The following FGF18 variants were observed in gnomAD, a reference collection of about 807,000 sequenced individuals.
FGF18 encodes the protein fibroblast growth factor 18.
In FGF18, 5 loss-of-function variants were observed where a neutral mutation model predicts 23.0. The ratio of observed to expected loss-of-function variants is 0.22; its 90% CI spans 0.11 to 0.46. The LOEUF is 0.46. Among genes scored for constraint, FGF18 ranks in the 20% least tolerant of loss-of-function variants. FGF18 has a pLI of 0.99. For synonymous variants in FGF18, 117 were observed against 118.9 expected, an observed-to-expected ratio of 0.98 and a Z score of 0.10; for missense variants, 180 against 291.6, an observed-to-expected ratio of 0.62 and a Z score of 2.79.
chr5:171,435,679 A>G (rs1772234520), intron 2 of FGF18, among the ~76,000 whole-genome samples: 1 of 151,958 alleles, frequency 6.6e-6, no homozygotes, highest in South Asian at 2.1e-4. Flanking sequence ...TTCCTCACCC[A>G]TCTCCACGTG....
intron 2 of FGF18, among the ~76,000 whole-genome samples, chr5:171,421,772 C>T (rs1772010360): frequency 6.6e-6 from 1 of 151,928 alleles, no homozygotes. Context: ...GTTCTTTCCT[C>T]CTGTTGGCCA....
chr5:171,420,828 C>G (rs1581267771), intron 2 of FGF18, among the ~76,000 whole-genome samples: 1 of 152,358 alleles, frequency 6.6e-6, no homozygotes, highest in Non-Finnish European at 1.5e-5. Context: ...CGCTTCCAAA[C>G]AAAAAGACTT....
chr5:171,423,291 A>G (rs199643352), intron 2 of FGF18, among the ~76,000 whole-genome samples: 2 of 152,248 alleles, frequency 1.3e-5, no homozygotes, highest in African/African-American at 2.4e-5. Context: ...GACACCGTAG[A>G]TAGCTCAAAT....
At chr5:171,430,353 G>A in intron 2 of FGF18, among the ~76,000 whole-genome samples, 1 of 129,030 alleles carries the variant, frequency 7.8e-6, no homozygotes, top group African/African-American at 3.1e-5. Context: ...GTAAGACTGT[G>A]TCTCAAAAAA....
Position 171,445,699 on chromosome 5 carries a change from G to T in FGF18, c.251-3448G>T, listed in dbSNP as rs150578075. 2.2e-4 allele frequency among the ~76,000 whole-genome samples: 34 copies of T among 152,278 alleles called. No homozygotes were observed. The East Asian group carries it at 6.4e-3, about 29-fold the overall frequency. ...TTTTTAAAGGATTTCTCTGGCTGTG[G>T]TGTAGAGGAGAGATGGATGGGGGTG... On this transcript the variant is annotated intron_variant, in intron 3 of 4. Transcript: ENST00000274625.
intron 3 of FGF18, among the ~76,000 whole-genome samples, chr5:171,447,017 C>G (rs1772428443): frequency 6.6e-6 from 1 of 152,112 alleles, no homozygotes; most frequent in African/African-American, 2.4e-5. Context: ...TTTGGGAAAA[C>G]AGTTTGGTTT....
intron 2 of FGF18, among the ~76,000 whole-genome samples, chr5:171,435,692 T>A (rs1410173414): frequency 6.6e-6 from 1 of 152,098 alleles, no homozygotes; most frequent in South Asian, 2.1e-4. Context: ...TCCACGTGGA[T>A]TGGAGTACTT....
intron 2 of FGF18, among the ~76,000 whole-genome samples, chr5:171,420,932 G>C (rs551041819): frequency 4.6e-5 from 7 of 152,220 alleles, no homozygotes; most frequent in African/African-American, 1.7e-4. Flanking sequence ...CACACACACA[G>C]ACACACACAC....
intron 2 of FGF18, among the ~76,000 whole-genome samples, chr5:171,424,671 G>A (rs995564946): frequency 6.6e-6 from 1 of 152,180 alleles, no homozygotes; most frequent in Non-Finnish European, 1.5e-5. Context: ...GGTATAAGGG[G>A]GATGTTGAGA....
intron 4 of FGF18, among the ~76,000 whole-genome samples, chr5:171,452,547 C>T (rs959571608): frequency 2.0e-5 from 3 of 152,212 alleles, no homozygotes; most frequent in African/African-American, 7.2e-5. Flanking sequence ...CCTTGCTACC[C>T]TCTGGAACCC....
intron 3 of FGF18, among the ~76,000 whole-genome samples, chr5:171,445,698 G>A (rs1196615239): frequency 6.6e-6 from 1 of 152,146 alleles, no homozygotes; most frequent in Admixed American, 6.5e-5. Context: ...CTCTGGCTGT[G>A]GTGTAGAGGA....
At chr5:171,449,790 C>CA (rs1022975813) in intron 4 of FGF18, among the ~76,000 whole-genome samples, 44 of 137,512 alleles carry the variant, frequency 3.2e-4, no homozygotes, top group African/African-American at 1.1e-3. Context: ...TTGAAACTGG[C>CA]AAGAGAGCTG....
At chr5:171,448,259 C>T (rs1403271657) in intron 3 of FGF18, among the ~76,000 whole-genome samples, 2 of 152,190 alleles carry the variant, frequency 1.3e-5, no homozygotes, top group African/African-American at 4.8e-5. Context: ...AGTGGGGATC[C>T]GGTCCTGATT....
At chr5:171,420,475 G>T in intron 2 of FGF18, 32 bp downstream of exon 2, 3 of 1,606,756 alleles carry the variant, frequency 1.9e-6, no homozygotes, top group Non-Finnish European at 2.6e-6. Context: ...ACCTCCTCCC[G>T]CCCCTGCCTC....
chr5:171,450,491 G>A (rs925955372), intron 4 of FGF18, among the ~76,000 whole-genome samples: 3 of 152,166 alleles, frequency 2.0e-5, no homozygotes, highest in African/African-American at 7.2e-5. Context: ...GGAAGCCGAG[G>A]CTTGGCCACG....
intron 2 of FGF18, among the ~76,000 whole-genome samples, chr5:171,421,700 A>G (rs1053081900): frequency 1.3e-5 from 2 of 152,092 alleles, no homozygotes; most frequent in Non-Finnish European, 2.9e-5. Flanking sequence ...TACCCTCCTG[A>G]TAGGCACTGA....
chr5:171,428,535 G>A (rs914825728), intron 2 of FGF18, among the ~76,000 whole-genome samples: 2 of 152,186 alleles, frequency 1.3e-5, no homozygotes, highest in South Asian at 2.1e-4. Context: ...CTCTGCGTGC[G>A]TGCATGTGTC....
rs185929265 is a variant in FGF18, at chr5:171,422,700, G to T, written c.69+2257G>T. 1.8e-4 allele frequency among the ~76,000 whole-genome samples: 28 copies of T among 152,304 alleles called. 1 individual carries two copies. Among genetic ancestry groups the T allele is most frequent in the East Asian group, 1.7e-3 (9 of 5,170 alleles). On this transcript the variant is annotated intron_variant, in intron 2 of 4. Transcript: ENST00000274625. ...TGATGTTAACTGCCAGGAATCTGGG[G>T]CCTGCTCCCTGCTGAGGTTTGGGTA...
At chr5:171,420,592 C>G (rs370575059) in intron 2 of FGF18, 149 bp downstream of exon 2, 2 of 742,030 alleles carry the variant, frequency 2.7e-6, no homozygotes, top group South Asian at 1.8e-5. Context: ...AAGGGCGGCT[C>G]CGCGTGCGCC....
Sources: allele counts gnomAD v4.1 joint callset (sites outside exome capture counted in the v4.1 genomes callset), GRCh38; gene constraint gnomAD v4.1.1; transcripts MANE v1.5; gene names NCBI Gene and HGNC (gene_info 2026-07-23, HGNC 2026-07-21).